The following TOMM70 variants were observed in gnomAD, a reference collection of about 807,000 sequenced individuals.
TOMM70 encodes the protein translocase of outer mitochondrial membrane 70, also known as mitochondrial import receptor subunit TOM70.
In TOMM70, 13 loss-of-function variants were observed where a neutral mutation model predicts 73.6. The observed-to-expected ratio is 0.18, with a 90% CI of 0.11 to 0.28. The LOEUF (loss-of-function observed/expected upper bound fraction) is 0.28. Among genes scored for constraint, TOMM70 ranks in the 10% least tolerant of loss-of-function variants. The pLI, the probability that TOMM70 is intolerant of heterozygous loss-of-function variation, is 1.00. For missense variants in TOMM70, 609 were observed against 747.5 expected (o/e 0.81, Z 2.16); for synonymous variants, 257 against 271.2 (o/e 0.95, Z 0.51).
Position 100,386,167 on chromosome 3 carries a change from G to T in TOMM70, c.625+51C>A, listed in dbSNP as rs761390283. 2.6e-6 allele frequency: 4 copies of T among 1,561,066 alleles called. No individual in the cohort carries two copies. The South Asian group carries it at 4.8e-5, about 19-fold the overall frequency. ...GGCAGTTTCATATACATTTACCAATGACTACAAAATATTAAGTAATTTTCA... is the reference window on the plus strand; with the variant it reads ...GGCAGTTTCATATACATTTACCAATTACTACAAAATATTAAGTAATTTTCA... On this transcript the variant is annotated intron_variant, in intron 3 of 11. Coordinates refer to ENST00000284320, the MANE Select transcript of TOMM70 (RefSeq NM_014820.5).
rs769287867 is a variant in TOMM70 at position 100,394,365 on chromosome 3, C to CTTTTCTTTTCTTTTCT, written c.324+6260_324+6261insAGAAAAGAAAAGAAAA. On this transcript the variant is annotated intron_variant, in intron 1 of 11. Coordinates refer to ENST00000284320, the MANE Select transcript of TOMM70 (RefSeq NM_014820.5). ...ACTTATTGACCAACTGTTACTTTTTCTTTTTTTTTTTTTGAGATAGAGTTT... is the reference window on the plus strand; with the variant it reads ...ACTTATTGACCAACTGTTACTTTTTCTTTTCTTTTCTTTTCTTTTTTTTTTTTTTGAGATAGAGTTT... 3.9e-3 allele frequency among the ~76,000 whole-genome samples: 511 copies of CTTTTCTTTTCTTTTCT among 131,410 alleles called. 5 individuals are homozygous for CTTTTCTTTTCTTTTCT. The highest frequency in any genetic ancestry group is 6.1e-3 in the South Asian group (26 of 4,232). The allele number at this position is 131,410 out of a possible 152,430, so 86.2% of individuals were successfully genotyped here. A position where few individuals can be genotyped will look rare whatever the true frequency, so the allele number is the denominator to read the frequency against.
intron 1 of TOMM70, 58 bp downstream of exon 1, chr3:100,400,568 G>A: frequency 5.8e-6 from 9 of 1,562,866 alleles, no homozygotes; most frequent in Non-Finnish European, 6.9e-6. Flanking sequence ...GACACAACCC[G>A]CCAAGGAAAA....
intron 1 of TOMM70, among the ~76,000 whole-genome samples, chr3:100,387,607 C>G (rs867437035): frequency 0.067 from 9,128 of 136,326 alleles, 332 homozygotes; most frequent in East Asian, 0.16. Flanking sequence ...CAGACACACA[C>G]ACACACACAC....
intron 11 of TOMM70, 106 bp from the exon 12 acceptor site, chr3:100,365,823 A>G: frequency 7.8e-7 from 1 of 1,286,548 alleles, no homozygotes; most frequent in South Asian, 1.4e-5. Context: ...GTTTCTTCAC[A>G]ATATTCAATG....
chr3:100,378,746 C>G (rs1212102177), intron 5 of TOMM70, among the ~76,000 whole-genome samples: 1 of 152,190 alleles, frequency 6.6e-6, no homozygotes, highest in Non-Finnish European at 1.5e-5. Context: ...GTGGCTCACG[C>G]CTGTAATCCC....
intron 9 of TOMM70, among the ~76,000 whole-genome samples, chr3:100,369,596 G>A (rs1706486301): frequency 6.6e-6 from 1 of 151,740 alleles, no homozygotes; most frequent in South Asian, 2.1e-4. Flanking sequence ...CGCCTCTTGG[G>A]TTCAAGTGAT....
At chr3:100,396,167 T>C (rs1015330737) in intron 1 of TOMM70, among the ~76,000 whole-genome samples, 1 of 152,162 alleles carries the variant, frequency 6.6e-6, no homozygotes, top group African/African-American at 2.4e-5. Context: ...GTGTCCCTGA[T>C]TGATTTTTTA....
At chr3:100,366,869 CA>C (rs1559829356) in intron 11 of TOMM70, among the ~76,000 whole-genome samples, 1 of 152,206 alleles carries the variant, frequency 6.6e-6, no homozygotes, top group Admixed American at 6.5e-5. Flanking sequence ...TAAGAACTAC[CA>C]CCCTATCCTA....
intron 4 of TOMM70, among the ~76,000 whole-genome samples, chr3:100,384,252 A>G (rs1431630051): frequency 1.3e-5 from 2 of 152,226 alleles, no homozygotes; most frequent in African/African-American, 4.8e-5. Context: ...AATCCCTAAC[A>G]CAGATGAATT....
In TOMM70 at chr3:100,368,028, A is replaced by G; in HGVS notation, c.1673+16T>C. On this transcript the variant is annotated intron_variant, in intron 11 of 11. Transcript: ENST00000284320. ...ATGGAGCTACCATATATTTCCTAAC[A>G]GACTCCAGAAGTTACCTTTGTACTT... 6.2e-7 allele frequency: 1 copy of G among 1,609,864 alleles called. No homozygotes were observed. The highest frequency in any genetic ancestry group is 8.5e-7 in the Non-Finnish European group (1 of 1,178,488).
intron 5 of TOMM70, among the ~76,000 whole-genome samples, chr3:100,380,943 T>C (rs1706626870): frequency 6.6e-6 from 1 of 152,156 alleles, no homozygotes; most frequent in African/African-American, 2.4e-5. Context: ...TTCCTTTTCT[T>C]CCTAACTCGT....
In TOMM70 at chr3:100,400,878, G is replaced by A. The variant is rs1186727673; in HGVS notation, c.72C>T (p.Gly24=). 1.0e-5 allele frequency: 16 copies of A among 1,528,408 alleles called. No homozygotes were observed. The highest frequency in any genetic ancestry group is 1.3e-5 in the Non-Finnish European group (15 of 1,144,654). 94.7% of individuals were successfully genotyped at this position (1,528,408 alleles called of 1,614,324 possible). A position where few individuals can be genotyped will look rare whatever the true frequency, so the allele number is the denominator to read the frequency against. Residue 24 remains glycine (G), a synonymous_variant, in exon 1 of 12, where the codon GGC becomes GGT. Coordinates refer to ENST00000284320, the MANE Select transcript of TOMM70 (RefSeq NM_014820.5). ...AAVPSSGSGV[G]GGGTAGPGTG... The stretch of plus-strand genomic sequence containing the variant: ...TGCCCGGGCCCGCAGTCCCGCCGCC[G>A]CCCACCCCACTCCCGGAGCTCGGTA...
chr3:100,392,168 G>A (rs1272321563), intron 1 of TOMM70, among the ~76,000 whole-genome samples: 1 of 152,184 alleles, frequency 6.6e-6, no homozygotes, highest in East Asian at 1.9e-4. Context: ...TATACTTGAT[G>A]AAATCCACTA....
chr3:100,368,645 G>A (rs1706474116), intron 10 of TOMM70, among the ~76,000 whole-genome samples: 2 of 152,098 alleles, frequency 1.3e-5, no homozygotes, highest in Admixed American at 1.3e-4. Flanking sequence ...GTGCAATCTT[G>A]GCTCACTGCA....
chr3:100,400,756 C>G lies in TOMM70; in HGVS notation c.194G>C (p.Arg65Pro). The change falls in exon 1 of 12, where the codon CGC (arginine) becomes CCC (proline). Residue 65 changes from arginine (R) to proline (P), a missense_variant. Physicochemically the swap from Arg to Pro is moderately radical, Grantham distance 103 (BLOSUM62 -2). This residue lies in a region of TOMM70 where 177 missense variants were observed against 163.5 expected (regional missense o/e 1.08). Transcript: ENST00000284320. ...GTCGCCCCGGCCTCTGGCCTCCCGG[C>G]GCCGTTGCTGCCGACTCCACAGGTA... ...AIYLWSRQQR[R>P]REARGRGDAS... 1 of 1,593,668 alleles carries G rather than the reference C, an allele frequency of 6.3e-7. No homozygotes were observed. The highest frequency in any genetic ancestry group is 1.1e-5 in the South Asian group (1 of 89,146).
Position 100,381,652 on chromosome 3 carries a change from TATCTTC to T in TOMM70, c.841_846del (p.Glu281_Asp282del). 5 of 1,613,496 alleles carry T rather than the reference TATCTTC, an allele frequency of 3.1e-6. No individual in the cohort carries two copies. The highest frequency in any genetic ancestry group is 3.4e-6 in the Non-Finnish European group (4 of 1,179,632). ...TCTAAAGCCTCCCCTTCCTTGTCTT[TATCTTC>T]ATCAGATTTCTCTCCTTTAAGCATG... On this transcript the variant is annotated inframe_deletion, in exon 5 of 12. Transcript: ENST00000284320.
At chr3:100,383,195 C>G (rs138828102) in intron 4 of TOMM70, among the ~76,000 whole-genome samples, 1 of 152,060 alleles carries the variant, frequency 6.6e-6, no homozygotes, top group African/African-American at 2.4e-5. Flanking sequence ...ACTAGTCTTA[C>G]GAGATGCTCG....
chr3:100,389,054 A>G (rs1054487483), intron 1 of TOMM70, among the ~76,000 whole-genome samples: 4 of 152,178 alleles, frequency 2.6e-5, no homozygotes, highest in Non-Finnish European at 5.9e-5. Context: ...AAGGAATTGG[A>G]GAAATTCTCG....
chr3:100,369,438 C>G lies in TOMM70; in HGVS notation c.1453-303G>C, dbSNP rs568768143. Among the ~76,000 whole-genome samples, 3 of 151,986 alleles carry G rather than the reference C, an allele frequency of 2.0e-5. No individual in the cohort carries two copies. The East Asian group carries it at 5.8e-4, about 29-fold the overall frequency. On this transcript the variant is annotated intron_variant, in intron 9 of 11. Coordinates refer to ENST00000284320, the MANE Select transcript of TOMM70 (RefSeq NM_014820.5). ...ATTCTTAGTCACAGCTCTAATATCA[C>G]ATTCTCATAGGTACAGTCACATCAC...
Sources: gnomAD v4.1 joint callset for allele counts (sites outside exome capture counted in the v4.1 genomes callset) on GRCh38, gnomAD v4.1.1 for gene constraint, gnomAD v4.1.1 regional missense constraint, MANE v1.5 for transcripts, NCBI Gene and HGNC (gene_info 2026-07-23, HGNC 2026-07-21) for gene names.